The following ZBTB16 variants were observed in gnomAD, a reference collection of about 807,000 sequenced individuals.
ZBTB16 encodes zinc finger and BTB domain containing 16.
A neutral mutation model predicts 56.8 loss-of-function variants in ZBTB16; 8 were observed. The observed-to-expected ratio is 0.14, with a 90% CI of 0.08 to 0.25. The LOEUF (loss-of-function observed/expected upper bound fraction) is 0.25. Ranked by LOEUF, ZBTB16 falls within the 10% of genes least tolerant of loss-of-function variation. The probability of loss-of-function intolerance (pLI) is 1.00; values close to 1 mark genes in which losing one functional copy is unlikely to be tolerated. For missense variants in ZBTB16, 625 were observed against 903.0 expected, an observed-to-expected ratio of 0.69 and a Z score of 3.95; for synonymous variants, 363 against 368.5, an observed-to-expected ratio of 0.98 and a Z score of 0.17.
chr11:114,143,636 T>C lies in ZBTB16; in HGVS notation c.1269-12701T>C, dbSNP rs1305900553. The stretch of plus-strand genomic sequence containing the variant: ...GTGGTCAGGTGATCACTGATGTGTG[T>C]CAGTGTATTGTAAGAGTGGGGCCAA... On this transcript the variant is annotated intron_variant, in intron 2 of 6. Transcript: ENST00000335953. The surrounding 1 kb of genome is among the most constrained non-coding windows in gnomAD (Gnocchi z 6.4). Among the ~76,000 whole-genome samples, 2 of 152,196 alleles carry C rather than the reference T, an allele frequency of 1.3e-5. No homozygotes were observed. Among genetic ancestry groups the C allele is most frequent in the East Asian group, 3.9e-4 (2 of 5,194 alleles).
chr11:114,202,071 A>G (rs1272101613), intron 4 of ZBTB16, among the ~76,000 whole-genome samples: 1 of 152,242 alleles, frequency 6.6e-6, no homozygotes, highest in Non-Finnish European at 1.5e-5. Context: ...GATAAATGCC[A>G]GATGGAGAAT....
intron 3 of ZBTB16, among the ~76,000 whole-genome samples, chr11:114,166,423 C>T (rs1382193542): frequency 6.6e-6 from 1 of 151,934 alleles, no homozygotes; most frequent in East Asian, 1.9e-4. Context: ...GCTGCAGTGT[C>T]TCCTAGAAAT....
intron 5 of ZBTB16, among the ~76,000 whole-genome samples, chr11:114,242,926 A>G (rs7947457): frequency 0.091 from 13,915 of 152,194 alleles, 2,089 homozygotes; most frequent in African/African-American, 0.31. Context: ...ATGAAATATC[A>G]CTGCTCAGCC....
intron 3 of ZBTB16, among the ~76,000 whole-genome samples, chr11:114,158,416 A>G (rs1393435064): frequency 6.6e-6 from 1 of 152,168 alleles, no homozygotes; most frequent in Non-Finnish European, 1.5e-5. Context: ...TCTACTTGGA[A>G]TAACCCATCT....
At chr11:114,157,527 T>A (rs982416751) in intron 3 of ZBTB16, among the ~76,000 whole-genome samples, 1 of 152,186 alleles carries the variant, frequency 6.6e-6, no homozygotes, top group Non-Finnish European at 1.5e-5. Flanking sequence ...TTTCTGAGCC[T>A]GTTGCCCCGG....
At chr11:114,233,976 A>G (rs1414191645) in intron 4 of ZBTB16, among the ~76,000 whole-genome samples, 1 of 152,194 alleles carries the variant, frequency 6.6e-6, no homozygotes, top group Non-Finnish European at 1.5e-5. Flanking sequence ...TGTTTTGAAA[A>G]ATGTAATCAC....
chr11:114,203,530 G>T (rs1378084199), intron 4 of ZBTB16, among the ~76,000 whole-genome samples: 1 of 152,002 alleles, frequency 6.6e-6, no homozygotes, highest in Non-Finnish European at 1.5e-5. Context: ...TCCAGGCTGG[G>T]TAACAGAGCA....
At chr11:114,241,779 T>C (rs1005117936) in intron 4 of ZBTB16, among the ~76,000 whole-genome samples, 9 of 152,210 alleles carry the variant, frequency 5.9e-5, no homozygotes, top group Admixed American at 4.6e-4. Flanking sequence ...ATCTTTGTTA[T>C]TGTTTTTTCT....
At position 114,063,954 on chromosome 11, in the gene ZBTB16, T is replaced by C. The variant is rs1591631406; in HGVS notation, c.654T>C (p.Leu218=). 1 of 1,613,780 alleles carries C rather than the reference T, an allele frequency of 6.2e-7. No individual in the cohort carries two copies. Among genetic ancestry groups the C allele is most frequent in the Middle Eastern group, 1.7e-4 (1 of 6,060 alleles). The change falls in exon 2 of 7, where the codon CTT becomes CTC. Residue 218 remains leucine, a synonymous_variant. Coordinates refer to ENST00000335953, the MANE Select transcript of ZBTB16 (RefSeq NM_006006.6). This position sits in a 1 kb window ranked among gnomAD's most constrained non-coding sequence, Gnocchi z 6.5. ...GACAGTCTCTCCTGCAGGGAACTCTTCAGCCACCTGCAGGGCCCGAGGAGC... is the reference window on the plus strand; with the variant it reads ...GACAGTCTCTCCTGCAGGGAACTCTCCAGCCACCTGCAGGGCCCGAGGAGC... ...TIGQSLLQGT[L]QPPAGPEEPT... is the part of the protein sequence containing the mutation.
At chr11:114,235,722 C>CTT (rs1944570135) in intron 4 of ZBTB16, among the ~76,000 whole-genome samples, 1 of 103,660 alleles carries the variant, frequency 9.6e-6, no homozygotes. Context: ...CTTTCTTTTT[C>CTT]TTTCTTTCTT....
chr11:114,131,720 G>A (rs1941665142), intron 2 of ZBTB16, among the ~76,000 whole-genome samples: 2 of 152,164 alleles, frequency 1.3e-5, no homozygotes, highest in Admixed American at 6.5e-5. Flanking sequence ...ACTTCCGGTA[G>A]CACTTTCTAA....
At chr11:114,156,094 C>T (rs1028251165) in intron 2 of ZBTB16, among the ~76,000 whole-genome samples, 3 of 152,132 alleles carry the variant, frequency 2.0e-5, no homozygotes, top group Admixed American at 6.5e-5. Flanking sequence ...TTTCTTGGTC[C>T]ATGTGTCAGT....
intron 2 of ZBTB16, among the ~76,000 whole-genome samples, chr11:114,149,310 A>G (rs973995638): frequency 6.6e-6 from 1 of 152,198 alleles, no homozygotes; most frequent in African/African-American, 2.4e-5. Flanking sequence ...CATGGTCAAT[A>G]TACCACTGTT....
chr11:114,137,788 C>T (rs2134882183), intron 2 of ZBTB16, among the ~76,000 whole-genome samples: 1 of 152,256 alleles, frequency 6.6e-6, no homozygotes, highest in South Asian at 2.1e-4. Context: ...GGAGAAATGT[C>T]CACACTGGAG....
intron 2 of ZBTB16, among the ~76,000 whole-genome samples, chr11:114,074,480 C>G (rs948934054): frequency 2.0e-5 from 3 of 152,302 alleles, no homozygotes; most frequent in East Asian, 1.9e-4. Context: ...CTGCTGGGGT[C>G]TACTATGGCA....
At chr11:114,070,236 G>A (rs1939293143) in intron 2 of ZBTB16, among the ~76,000 whole-genome samples, 1 of 150,760 alleles carries the variant, frequency 6.6e-6, no homozygotes, top group African/African-American at 2.4e-5. Flanking sequence ...AGCCTCCCGA[G>A]TAGCTGGGAC....
At chr11:114,122,610 A>T (rs1160929750) in intron 2 of ZBTB16, among the ~76,000 whole-genome samples, 1 of 152,146 alleles carries the variant, frequency 6.6e-6, no homozygotes, top group Non-Finnish European at 1.5e-5. Flanking sequence ...CTAAGAATGA[A>T]CTGTTAGAAA....
intron 2 of ZBTB16, among the ~76,000 whole-genome samples, chr11:114,136,425 G>T (rs1941799397): frequency 6.6e-6 from 1 of 152,116 alleles, no homozygotes. Context: ...CTGTCCACAG[G>T]CTGTCAGTAG....
At chr11:114,230,281 C>A (rs937017449) in intron 4 of ZBTB16, among the ~76,000 whole-genome samples, 4 of 152,138 alleles carry the variant, frequency 2.6e-5, no homozygotes, top group African/African-American at 9.7e-5. Flanking sequence ...ACGCAAGGAG[C>A]CCTGAATCAG....
Sources: gnomAD v4.1 joint callset for allele counts (sites outside exome capture counted in the v4.1 genomes callset) on GRCh38, gnomAD v4.1.1 for gene constraint, Gnocchi (gnomAD v3.1) non-coding constraint, MANE v1.5 for transcripts, NCBI Gene and HGNC (gene_info 2026-07-23, HGNC 2026-07-21) for gene names.